The following GLRB variants were observed in gnomAD, a reference collection of about 807,000 sequenced individuals.
The protein encoded by GLRB is glycine receptor subunit beta.
Under a neutral mutation model 54.2 loss-of-function variants are expected in GLRB, and 33 were observed. That is an observed-to-expected ratio of 0.61 (90% CI 0.46 to 0.81). GLRB has a LOEUF of 0.81. Among genes scored for constraint, GLRB ranks in the 40% least tolerant of loss-of-function variants. The pLI, the probability that GLRB is intolerant of heterozygous loss-of-function variation, is 0.00. For missense variants in GLRB, 572 were observed against 584.6 expected, an observed-to-expected ratio of 0.98 and a Z score of 0.22; for synonymous variants, 209 against 208.2, an observed-to-expected ratio of 1.00 and a Z score of -0.03.
chr4:157,150,017 T>C (rs11930383), intron 8 of GLRB, among the ~76,000 whole-genome samples: 7,913 of 152,138 alleles, frequency 0.052, 345 homozygotes, highest in African/African-American at 0.12. Flanking sequence ...TAGACAATCA[T>C]AGAGGTTACT....
At chr4:157,109,143 C>T (rs1735329879) in intron 2 of GLRB, among the ~76,000 whole-genome samples, 1 of 152,024 alleles carries the variant, frequency 6.6e-6, no homozygotes, top group Non-Finnish European at 1.5e-5. Context: ...TGGCAATATT[C>T]ACTTTATTGT....
chr4:157,103,076 G>A (rs1415113781), intron 2 of GLRB, among the ~76,000 whole-genome samples: 1 of 151,814 alleles, frequency 6.6e-6, no homozygotes, highest in Non-Finnish European at 1.5e-5. Context: ...CCTTGAACCC[G>A]GGAGGCAAGG....
intron 9 of GLRB, among the ~76,000 whole-genome samples, chr4:157,159,156 G>C (rs1371798171): frequency 6.6e-6 from 1 of 152,132 alleles, no homozygotes; most frequent in Non-Finnish European, 1.5e-5. Flanking sequence ...GTATAGGAAT[G>C]CTTGTGATTT....
At chr4:157,167,866 G>T (rs534961165) in intron 9 of GLRB, among the ~76,000 whole-genome samples, 6 of 152,278 alleles carry the variant, frequency 3.9e-5, no homozygotes, top group African/African-American at 1.2e-4. Flanking sequence ...AGGAAAGCTG[G>T]CATGTCAGAT....
At chr4:157,100,003 T>C (rs865901877) in intron 2 of GLRB, among the ~76,000 whole-genome samples, 24 of 152,324 alleles carry the variant, frequency 1.6e-4, no homozygotes, top group Middle Eastern at 3.4e-3. Flanking sequence ...ATTTTCTTAT[T>C]AACATGTAGG....
chr4:157,162,303 A>T (rs1245804796), intron 9 of GLRB, among the ~76,000 whole-genome samples: 1 of 151,894 alleles, frequency 6.6e-6, no homozygotes, highest in Non-Finnish European at 1.5e-5. Context: ...AGAGAAGTTT[A>T]TTACCACCAA....
intron 2 of GLRB, among the ~76,000 whole-genome samples, chr4:157,101,160 A>T (rs1735011090): frequency 6.6e-6 from 1 of 152,158 alleles, no homozygotes; most frequent in Non-Finnish European, 1.5e-5. Context: ...AATGCAGAAA[A>T]TTACAGGTGA....
Position 157,170,810 on chromosome 4 carries a change from T to C in GLRB, c.*82T>C. Reference sequence around the variant, plus strand: ...CATAAATGCCAATCTGTGAGAACTTTTGAATTTTCATAGCAACATTGCATT... The same window carrying C: ...CATAAATGCCAATCTGTGAGAACTTCTGAATTTTCATAGCAACATTGCATT... On this transcript the variant is annotated 3_prime_UTR_variant, in exon 10 of 10. Transcript: ENST00000264428. 1.3e-6 allele frequency: 1 copy of C among 796,878 alleles called. No homozygotes were observed. Among genetic ancestry groups the C allele is most frequent in the Non-Finnish European group, 1.9e-6 (1 of 517,838 alleles). 49.4% of individuals were successfully genotyped at this position (796,878 alleles called of 1,614,324 possible).
At chr4:157,084,214 C>T (rs1355699081) in intron 2 of GLRB, among the ~76,000 whole-genome samples, 1 of 152,180 alleles carries the variant, frequency 6.6e-6, no homozygotes, top group Non-Finnish European at 1.5e-5. Flanking sequence ...TATACAACTC[C>T]TTGTCACATA....
chr4:157,143,766 G>A (rs541895208), intron 7 of GLRB, 41 bp from the exon 8 acceptor site: 22 of 1,588,590 alleles, frequency 1.4e-5, no homozygotes, highest in Non-Finnish European at 1.7e-5. Flanking sequence ...CATTCTGTGT[G>A]GGTGAAAACC....
chr4:157,127,302 T>A lies in GLRB; in HGVS notation c.297+4905T>A, dbSNP rs1310526948. Among the ~76,000 whole-genome samples the A allele has an allele frequency of 9.9e-5, 15 of 151,820 alleles. 1 individual carries two copies. The highest frequency in any genetic ancestry group is 9.2e-4 in the Admixed American group (14 of 15,202). The stretch of plus-strand genomic sequence containing the variant: ...TTAGACATATTTGTCCCATTTTTTA[T>A]TTCACATATCTTAGTAGATTTTACA... On this transcript the variant is annotated intron_variant, in intron 4 of 9. Transcript: ENST00000264428.
At chr4:157,076,974 G>GGC (rs1553991096) in intron 1 of GLRB, among the ~76,000 whole-genome samples, 3 of 45,440 alleles carry the variant, frequency 6.6e-5, no homozygotes, top group South Asian at 1.0e-3. Context: ...AAGAATCCTG[G>GGC]GGGGGGGGGG....
chr4:157,170,587 T>G lies in GLRB; in HGVS notation c.1353T>G (p.Ser451=), dbSNP rs1391540906. ...AAGTTAACAACGGACTTGGGAAATC[T>G]CAGGCTAAGAACAACAAGAAGCCTC... The part of the protein sequence containing the change: ...PIEVNNGLGK[S]QAKNNKKPPP... The change falls in exon 10 of 10, where the codon TCT becomes TCG. Residue 451 remains serine, a synonymous_variant. Coordinates refer to ENST00000264428, the MANE Select transcript of GLRB (RefSeq NM_000824.5). 2 of 1,613,596 alleles carry G rather than the reference T, an allele frequency of 1.2e-6. No homozygotes were observed. The highest frequency in any genetic ancestry group is 3.3e-5 in the Admixed American group (2 of 59,920).
At chr4:157,157,345 C>T (rs1013093362) in intron 9 of GLRB, among the ~76,000 whole-genome samples, 1 of 151,222 alleles carries the variant, frequency 6.6e-6, no homozygotes. Context: ...TCGTCACAGA[C>T]TTTTAATTAT....
chr4:157,152,712 C>G lies in GLRB; in HGVS notation c.905-6C>G, dbSNP rs1467012228. Reference sequence around the variant, plus strand: ...GCAACTTTCATTCCTCTTTCTGTTTCTGTAGGTATCTTCTCAGTCCTCAGC... The same window carrying G: ...GCAACTTTCATTCCTCTTTCTGTTTGTGTAGGTATCTTCTCAGTCCTCAGC... On this transcript the variant is annotated splice_polypyrimidine_tract_variant and splice_region_variant and intron_variant, in intron 8 of 9. Transcript: ENST00000264428. 2 of 1,611,876 alleles carry G rather than the reference C, an allele frequency of 1.2e-6. No individual in the cohort carries two copies. Among genetic ancestry groups the G allele is most frequent in the South Asian group, 2.2e-5 (2 of 91,028 alleles).
At chr4:157,133,504 T>A (rs933389516) in intron 4 of GLRB, among the ~76,000 whole-genome samples, 6 of 152,004 alleles carry the variant, frequency 3.9e-5, no homozygotes, top group African/African-American at 1.4e-4. Flanking sequence ...ATAGCCTTTT[T>A]CAAGTTATGT....
intron 2 of GLRB, among the ~76,000 whole-genome samples, chr4:157,099,404 T>C (rs1284235428): frequency 2.0e-5 from 3 of 151,442 alleles, no homozygotes; most frequent in Non-Finnish European, 4.4e-5. Flanking sequence ...TGAAACAATC[T>C]CAGCTCACTG....
chr4:157,158,882 G>T (rs1361693397), intron 9 of GLRB, among the ~76,000 whole-genome samples: 1 of 142,588 alleles, frequency 7.0e-6, no homozygotes, highest in Non-Finnish European at 1.5e-5. Context: ...GTCATTGTTA[G>T]CTTGATGGGA....
chr4:157,159,651 G>A (rs550998345), intron 9 of GLRB, among the ~76,000 whole-genome samples: 1 of 152,268 alleles, frequency 6.6e-6, no homozygotes, highest in South Asian at 2.1e-4. Context: ...ATTTGCATAT[G>A]TTGAACCAGC....
Sources: allele counts gnomAD v4.1 joint callset (sites outside exome capture counted in the v4.1 genomes callset), GRCh38; gene constraint gnomAD v4.1.1; transcripts MANE v1.5; gene names NCBI Gene and HGNC (gene_info 2026-07-23, HGNC 2026-07-21).